SH3RF1: variants seen among roughly 807,000 people sequenced by gnomAD.
SH3RF1 encodes the protein SH3 domain containing ring finger 1, also known as E3 ubiquitin-protein ligase SH3RF1.
SH3RF1 carries 32 observed loss-of-function variants against 74.0 expected under a neutral mutation model. That is an observed-to-expected ratio of 0.43 (90% CI 0.33 to 0.58). SH3RF1 has a LOEUF of 0.58. SH3RF1 is among the 20% of genes least tolerant of loss of function. SH3RF1 has a pLI of 0.05. For synonymous variants in SH3RF1, 396 were observed against 439.6 expected, an observed-to-expected ratio of 0.90 and a Z score of 1.24; for missense variants, 954 against 1,130.9, an observed-to-expected ratio of 0.84 and a Z score of 2.24.
At chr4:169,249,214 C>T (rs539421446) in intron 2 of SH3RF1, among the ~76,000 whole-genome samples, 6 of 151,950 alleles carry the variant, frequency 3.9e-5, no homozygotes, top group Admixed American at 1.3e-4. Context: ...GGCAACAGAG[C>T]GAGACTCCGT....
chr4:169,266,561 T>C (rs1489135570), intron 2 of SH3RF1, among the ~76,000 whole-genome samples: 2 of 147,386 alleles, frequency 1.4e-5, no homozygotes, highest in African/African-American at 5.0e-5. Context: ...TTCTGAATAT[T>C]TGAAAGCAAA....
At chr4:169,204,009 A>T (rs3762929) in intron 2 of SH3RF1, 8,110 of 152,320 alleles carry the variant, frequency 0.053, 299 homozygotes, top group South Asian at 0.19. Flanking sequence ...ATCTTGGCAC[A>T]TCGAAGGCAT....
At chr4:169,249,243 A>G (rs1408355007) in intron 2 of SH3RF1, among the ~76,000 whole-genome samples, 2 of 147,052 alleles carry the variant, frequency 1.4e-5, no homozygotes, top group Admixed American at 6.6e-5. Context: ...AAGAAAAAAG[A>G]AAAAAAAAGA....
In SH3RF1 at chr4:169,130,228, G is replaced by A. The variant is rs1457270843; in HGVS notation, c.1069-72C>T. ...AACAGAATATACTGGCTAAACCTTA[G>A]AAAGGCAAGTCACATTAAAAAAAAA... On this transcript the variant is annotated intron_variant, in intron 5 of 11. Coordinates refer to ENST00000284637, the MANE Select transcript of SH3RF1 (RefSeq NM_020870.4). The A allele has an allele frequency of 7.6e-6, 8 of 1,051,964 alleles. No homozygotes were observed. In the African/African-American group the frequency reaches 1.1e-4, roughly 14 times the overall value. The allele number at this position is 1,051,964 out of a possible 1,614,324, so 65.2% of individuals were successfully genotyped here. A position where few individuals can be genotyped will look rare whatever the true frequency, so the allele number is the denominator to read the frequency against.
chr4:169,104,536 T>C (rs1438757482), intron 11 of SH3RF1, among the ~76,000 whole-genome samples: 1 of 152,190 alleles, frequency 6.6e-6, no homozygotes, highest in South Asian at 2.1e-4. Flanking sequence ...TTTAGGGTAA[T>C]GGCTCATTTT....
chr4:169,196,497 T>C (rs1283563752), intron 2 of SH3RF1, among the ~76,000 whole-genome samples: 2 of 152,236 alleles, frequency 1.3e-5, no homozygotes, highest in African/African-American at 4.8e-5. Context: ...TAGAAGTAAT[T>C]TGAGAACTAG....
chr4:169,213,142 A>G (rs1310511400), intron 2 of SH3RF1, among the ~76,000 whole-genome samples: 1 of 152,220 alleles, frequency 6.6e-6, no homozygotes, highest in Non-Finnish European at 1.5e-5. Flanking sequence ...ACCATTCTGC[A>G]TTTCCACCTG....
chr4:169,190,621 ACAG>A (rs1485629169), intron 2 of SH3RF1, among the ~76,000 whole-genome samples: 1 of 152,126 alleles, frequency 6.6e-6, no homozygotes, highest in Non-Finnish European at 1.5e-5. Context: ...AGATGGATTC[ACAG>A]CAGAATTCTA....
chr4:169,098,622 A>G (rs1013583479), intron 11 of SH3RF1, among the ~76,000 whole-genome samples: 3 of 152,252 alleles, frequency 2.0e-5, no homozygotes, highest in African/African-American at 7.2e-5. Context: ...TTGGCTTATC[A>G]TATCTGAGAA....
At chr4:169,218,381 A>C (rs1730502308) in intron 2 of SH3RF1, among the ~76,000 whole-genome samples, 1 of 141,594 alleles carries the variant, frequency 7.1e-6, no homozygotes, top group Non-Finnish European at 1.5e-5. Context: ...AGAATATAGA[A>C]TATATATATT....
At chr4:169,137,466 A>T (rs561354653) in intron 4 of SH3RF1, among the ~76,000 whole-genome samples, 1 of 152,208 alleles carries the variant, frequency 6.6e-6, no homozygotes, top group Non-Finnish European at 1.5e-5. Context: ...TAAGCTGCAT[A>T]TAACTTTCCC....
chr4:169,136,975 T>C (rs1733713139), intron 4 of SH3RF1, among the ~76,000 whole-genome samples: 1 of 152,244 alleles, frequency 6.6e-6, no homozygotes, highest in Admixed American at 6.5e-5. Context: ...CAAAATGGTG[T>C]ATTTATCACC....
At chr4:169,149,377 G>A (rs1260419370) in intron 4 of SH3RF1, among the ~76,000 whole-genome samples, 3 of 152,116 alleles carry the variant, frequency 2.0e-5, no homozygotes, top group East Asian at 3.9e-4. Flanking sequence ...TATTGTTCTG[G>A]CAGAAGGAAA....
intron 2 of SH3RF1, among the ~76,000 whole-genome samples, chr4:169,198,069 G>A (rs1734847596): frequency 2.6e-5 from 4 of 152,102 alleles, no homozygotes; most frequent in Admixed American, 2.6e-4. Flanking sequence ...AAATCAATTG[G>A]TCCAAATTAT....
At chr4:169,114,814 T>C (rs1733304227) in intron 10 of SH3RF1, among the ~76,000 whole-genome samples, 1 of 152,198 alleles carries the variant, frequency 6.6e-6, no homozygotes, top group African/African-American at 2.4e-5. Context: ...TAGTAGGCCA[T>C]AAAGTTTATT....
chr4:169,258,065 C>T (rs1046822045), intron 2 of SH3RF1, among the ~76,000 whole-genome samples: 8 of 152,212 alleles, frequency 5.3e-5, no homozygotes, highest in Non-Finnish European at 7.4e-5. Context: ...GCTTTTGCTA[C>T]GGTAATTACT....
chr4:169,119,441 G>T (rs188546131), intron 8 of SH3RF1, among the ~76,000 whole-genome samples: 1 of 151,804 alleles, frequency 6.6e-6, no homozygotes, highest in African/African-American at 2.4e-5. Context: ...CAAGCAGAGA[G>T]ACTTCTAATA....
intron 11 of SH3RF1, 58 bp downstream of exon 11, chr4:169,106,789 C>A (rs1733146552): frequency 2.3e-6 from 3 of 1,325,458 alleles, no homozygotes; most frequent in Non-Finnish European, 1.0e-6. Flanking sequence ...CAATAATGTT[C>A]CAGCCTAAAG....
chr4:169,171,508 G>C (rs1734327106), intron 2 of SH3RF1, among the ~76,000 whole-genome samples: 1 of 152,162 alleles, frequency 6.6e-6, no homozygotes. Context: ...GTCAGAGGTG[G>C]AATGTAAGTA....
Sources: allele counts gnomAD v4.1 joint callset (sites outside exome capture counted in the v4.1 genomes callset), GRCh38; gene constraint gnomAD v4.1.1; transcripts MANE v1.5; gene names NCBI Gene and HGNC (gene_info 2026-07-23, HGNC 2026-07-21).